EARS2: variants seen among roughly 807,000 people sequenced by gnomAD.
EARS2 encodes glutamyl-tRNA synthetase 2, mitochondrial, also known as nondiscriminating glutamyl-tRNA synthetase EARS2, mitochondrial.
EARS2 carries 50 observed loss-of-function variants against 54.1 expected under a neutral mutation model. The ratio of observed to expected loss-of-function variants is 0.92; its 90% confidence interval spans 0.74 to 1.17. The LOEUF is 1.17. Ranked by LOEUF, EARS2 falls within the 50% of genes most tolerant of loss-of-function variation. The pLI, the probability that EARS2 is intolerant of heterozygous loss-of-function variation, is 0.00. For missense variants in EARS2, 673 were observed against 675.0 expected, an observed-to-expected ratio of 1.00 and a Z score of 0.03; for synonymous variants, 298 against 281.0, an observed-to-expected ratio of 1.06 and a Z score of -0.61.
At chr16:23,534,811 G>T in intron 4 of EARS2, 77 bp downstream of exon 4, 1 of 1,311,636 alleles carries the variant, frequency 7.6e-7, no homozygotes, top group African/African-American at 1.5e-5. Flanking sequence ...GGACCAAAGA[G>T]CAGGACTGTC....
At chr16:23,541,770 T>C (rs1597018610) in intron 3 of EARS2, among the ~76,000 whole-genome samples, 1 of 151,432 alleles carries the variant, frequency 6.6e-6, no homozygotes, top group Non-Finnish European at 1.5e-5. Flanking sequence ...CTCAGCTCAC[T>C]GCAACCTCCA....
In EARS2 at chr16:23,524,215, A is replaced by C; in HGVS notation, c.*156T>G. On this transcript the variant is annotated 3_prime_UTR_variant, in exon 9 of 9. Transcript: ENST00000449606. ...ATTGACAAAAACGTGCCTGTGGTGGATCACAAATGCACTTGTGTGCAGTCA... is the reference window on the plus strand; with the variant it reads ...ATTGACAAAAACGTGCCTGTGGTGGCTCACAAATGCACTTGTGTGCAGTCA... 1.4e-6 allele frequency: 1 copy of C among 702,744 alleles called. No individual in the cohort carries two copies. The highest frequency in any genetic ancestry group is 2.5e-6 in the Non-Finnish European group (1 of 397,020). 43.5% of individuals were successfully genotyped at this position (702,744 alleles called of 1,614,324 possible). A position where few individuals can be genotyped will look rare whatever the true frequency, so the allele number is the denominator to read the frequency against.
At chr16:23,543,624 CCAGGAGGCTGAGG>C (rs1965552600) in intron 3 of EARS2, among the ~76,000 whole-genome samples, 1 of 150,372 alleles carries the variant, frequency 6.7e-6, no homozygotes, top group African/African-American at 2.4e-5. Flanking sequence ...TCCCAGCTAC[CCAGGAGGCTGAGG>C]CAGGATAACT....
In EARS2 at chr16:23,529,762, C is replaced by A; in HGVS notation, c.1203G>T (p.Arg401Ser). Reference sequence around the variant, plus strand: ...ACCACACCTGTCTCAGCAGGAGGATCCTCTCCACGTAGACTGGGTTGAGGA... The same window carrying A: ...ACCACACCTGTCTCAGCAGGAGGATACTCTCCACGTAGACTGGGTTGAGGA... Reference protein sequence around the residue: ...RDVLNPVYVERILLLRQGHIC... With the variant: ...RDVLNPVYVESILLLRQGHIC... Residue 401 changes from arginine (R) to serine (S), a missense_variant, in exon 6 of 9, where the codon AGG (arginine) becomes AGT (serine). By Grantham distance (110) the Arg-to-Ser change is moderately radical. Around this residue, in one of 3 missense-constraint regions of EARS2, gnomAD observed 338 missense variants for 361.2 expected, o/e 0.94. Transcript: ENST00000449606. 1 of 1,614,182 alleles carries A rather than the reference C, an allele frequency of 6.2e-7. No individual in the cohort carries two copies. Among genetic ancestry groups the A allele is most frequent in the Non-Finnish European group, 8.5e-7 (1 of 1,180,032 alleles).
At chr16:23,557,040 G>C (rs566036256) in intron 1 of EARS2, 165 bp downstream of exon 1, 33 of 1,040,144 alleles carry the variant, frequency 3.2e-5, no homozygotes, top group Non-Finnish European at 4.4e-5. Context: ...AATTATTTCC[G>C]CTCCTGCACC....
chr16:23,535,208 A>C lies in EARS2; in HGVS notation c.638T>G (p.Val213Gly). 2 of 1,613,666 alleles carry C rather than the reference A, an allele frequency of 1.2e-6. No individual in the cohort carries two copies. The highest frequency in any genetic ancestry group is 1.7e-6 in the Non-Finnish European group (2 of 1,180,024). The change falls in exon 4 of 9, where the codon GTG becomes GGG. Residue 213 changes from valine to glycine, a missense_variant. Val to Gly is a moderately radical substitution (Grantham distance 109). Coordinates refer to ENST00000449606, the MANE Select transcript of EARS2 (RefSeq NM_001083614.2). ...YGWNRHEVASVEGDPVIMKSD... is the reference protein window; with the variant it reads ...YGWNRHEVASGEGDPVIMKSD... The stretch of plus-strand genomic sequence containing the variant: ...CTTCATGATGACTGGGTCTCCCTCC[A>C]CGCTGGCCACTTCATGCCTATTCCA...
intron 2 of EARS2, among the ~76,000 whole-genome samples, chr16:23,550,384 G>C (rs1055014173): frequency 2.1e-5 from 3 of 143,462 alleles, no homozygotes; most frequent in African/African-American, 7.6e-5. Context: ...AAAAAAAAAA[G>C]AAATAATTAA....
At chr16:23,555,864 G>C (rs1042557148) in intron 1 of EARS2, among the ~76,000 whole-genome samples, 3 of 152,222 alleles carry the variant, frequency 2.0e-5, no homozygotes, top group Non-Finnish European at 4.4e-5. Context: ...TATTTTAGTA[G>C]AGACAAGGTT....
chr16:23,541,352 C>G (rs1597018272), intron 3 of EARS2, among the ~76,000 whole-genome samples: 1 of 132,546 alleles, frequency 7.5e-6, no homozygotes, highest in African/African-American at 2.5e-5. Flanking sequence ...TAACATAAAA[C>G]AAAACAAAAC....
chr16:23,553,850 C>T (rs1186751320), intron 1 of EARS2, among the ~76,000 whole-genome samples: 1 of 150,570 alleles, frequency 6.6e-6, no homozygotes, highest in African/African-American at 2.5e-5. Context: ...GAGCCGAGAT[C>T]GCACCATTGC....
At chr16:23,539,214 A>G (rs185788725) in intron 3 of EARS2, among the ~76,000 whole-genome samples, 10 of 152,180 alleles carry the variant, frequency 6.6e-5, no homozygotes, top group East Asian at 1.9e-4. Context: ...TTTTTTGCTC[A>G]TAAGAGCTAG....
At chr16:23,531,975 G>C (rs1965334604) in intron 5 of EARS2, among the ~76,000 whole-genome samples, 2 of 152,086 alleles carry the variant, frequency 1.3e-5, no homozygotes, top group Admixed American at 1.3e-4. Context: ...GCCATGTCCA[G>C]CTAATTTTTG....
At position 23,529,870 on chromosome 16, in the gene EARS2, A is replaced by T; in HGVS notation, c.1095T>A (p.Asn365Lys). ...NRLHLQRLVS[N>K]ESQRRQLVGK... ...CCACCAGCTGGCGCCTCTGGCTCTC[A>T]TTGCTCACCAGCCGCTGGAGGTGCA... Residue 365 changes from asparagine to lysine, a missense_variant, in exon 6 of 9, where the codon AAT (asparagine) becomes AAA (lysine). Asn to Lys is a moderately conservative substitution (Grantham distance 94). This residue lies in a region of EARS2 where 338 missense variants were observed against 361.2 expected (regional missense o/e 0.94). Transcript: ENST00000449606. The T allele has an allele frequency of 6.2e-7, 1 of 1,614,014 alleles. No individual in the cohort carries two copies. The highest frequency in any genetic ancestry group is 1.1e-5 in the South Asian group (1 of 91,078).
At chr16:23,533,083 G>A (rs543437101) in intron 4 of EARS2, among the ~76,000 whole-genome samples, 2 of 152,240 alleles carry the variant, frequency 1.3e-5, no homozygotes, top group South Asian at 2.1e-4. Flanking sequence ...TCAGGAGTTC[G>A]AGACTGGCCT....
chr16:23,525,247 C>T lies in EARS2; in HGVS notation c.1485G>A (p.Gln495=). 1 of 1,614,194 alleles carries T rather than the reference C, an allele frequency of 6.2e-7. No individual in the cohort carries two copies. Among genetic ancestry groups the T allele is most frequent in the Admixed American group, 1.7e-5 (1 of 60,012 alleles). Residue 495 remains glutamine (Q), a synonymous_variant, in exon 8 of 9, where the codon CAG becomes CAA. Coordinates refer to ENST00000449606, the MANE Select transcript of EARS2 (RefSeq NM_001083614.2). ...CCAACCCGTGTCCCTGCCTCACCTG[C>T]TGTCCACTGAGGGCCATCCGAAGGA... ...MKLLRMALSG[Q]QQGPPVAEMM... is the part of the protein sequence containing the mutation.
chr16:23,544,650 G>A lies in EARS2; in HGVS notation c.349C>T (p.Gln117Ter). 4 of 1,611,266 alleles carry A rather than the reference G, an allele frequency of 2.5e-6. No homozygotes were observed. The highest frequency in any genetic ancestry group is 1.8e-4 in the Middle Eastern group (1 of 5,638). Residue 117 changes from glutamine (Q) to a stop codon, truncating the protein, a stop_gained, in exon 3 of 9, where the codon CAA becomes TAA. Transcript: ENST00000449606. LOFTEE classifies it high-confidence loss of function. ...RRGGPAGPYQ[Q>*]SQRLELYAQA... ...GCATACAGCTCCAACCGCTGAGATT[G>A]CTGGTAGGGCCCAGCAGGACCGCCC...
At position 23,544,677 on chromosome 16, in the gene EARS2, G is replaced by A. The variant is rs376103091; in HGVS notation, c.322C>T (p.Arg108Trp). 1.5e-4 allele frequency: 235 copies of A among 1,606,474 alleles called. No individual in the cohort carries two copies. Among genetic ancestry groups the A allele is most frequent in the African/African-American group, 1.9e-4 (14 of 74,852 alleles). Residue 108 changes from arginine to tryptophan, a missense_variant, in exon 3 of 9, where the codon CGG becomes TGG. This residue lies in a region of EARS2 where 316 missense variants were observed against 275.2 expected (regional missense o/e 1.15). Coordinates refer to ENST00000449606, the MANE Select transcript of EARS2 (RefSeq NM_001083614.2). The stretch of plus-strand genomic sequence containing the variant: ...TGGTAGGGCCCAGCAGGACCGCCCC[G>A]GCGGGGGCTCTCATCAGGCGGGATG... ...AGIPPDESPR[R>W]GGPAGPYQQS...
At chr16:23,548,221 G>A (rs1405881768) in intron 2 of EARS2, among the ~76,000 whole-genome samples, 1 of 144,786 alleles carries the variant, frequency 6.9e-6, no homozygotes, top group Non-Finnish European at 1.5e-5. Flanking sequence ...GCGACAGAGC[G>A]AGACTCCATC....
Position 23,520,763 on chromosome 16 carries a change from T to C in EARS2, c.*3608A>G, listed in dbSNP as rs758538334. On this transcript the variant is annotated 3_prime_UTR_variant, in exon 9 of 9. Transcript: ENST00000449606. ...GCACAGCACACTTCACTTGAGGAAG[T>C]AGCAACAGCTTTATTAATTTCGCTT... Among the ~76,000 whole-genome samples, 1 of 151,498 alleles carries C rather than the reference T, an allele frequency of 6.6e-6. No individual in the cohort carries two copies. Among genetic ancestry groups the C allele is most frequent in the Non-Finnish European group, 1.5e-5 (1 of 68,012 alleles).
Sources: allele counts gnomAD v4.1 joint callset (sites outside exome capture counted in the v4.1 genomes callset), GRCh38; gene constraint gnomAD v4.1.1; regional missense constraint gnomAD v4.1.1; transcripts MANE v1.5; gene names NCBI Gene and HGNC (gene_info 2026-07-23, HGNC 2026-07-21).